Variants in ADGRL2 observed in about 807,000 individuals in gnomAD.
ADGRL2 encodes adhesion G protein-coupled receptor L2, also known as calcium-independent alpha-latrotoxin receptor 2.
Under a neutral mutation model 157.4 loss-of-function variants are expected in ADGRL2, and 44 were observed. That is an observed-to-expected ratio of 0.28 (90% CI 0.22 to 0.36). The LOEUF (loss-of-function observed/expected upper bound fraction) is 0.36, where lower values mean the gene tolerates loss of function less well. ADGRL2 is among the 10% of genes least tolerant of loss of function. The pLI is 1.00. For missense variants in ADGRL2, 1,510 were observed against 1,768.9 expected (o/e 0.85, Z 2.63); for synonymous variants, 585 against 624.7 (o/e 0.94, Z 0.95).
intron 1 of ADGRL2, among the ~76,000 whole-genome samples, chr1:81,382,532 T>A (rs1416679661): frequency 6.6e-6 from 1 of 152,204 alleles, no homozygotes; most frequent in Non-Finnish European, 1.5e-5. Flanking sequence ...TATTTGCTTT[T>A]TTAAAAGCAA....
At chr1:81,393,894 G>T (rs1053965187) in intron 1 of ADGRL2, among the ~76,000 whole-genome samples, 3 of 145,188 alleles carry the variant, frequency 2.1e-5, no homozygotes, top group Non-Finnish European at 4.5e-5. Context: ...GAATATGAAA[G>T]TATTAACATA....
intron 3 of ADGRL2, among the ~76,000 whole-genome samples, chr1:81,651,937 C>T (rs1053898783): frequency 6.6e-6 from 1 of 151,956 alleles, no homozygotes; most frequent in South Asian, 2.1e-4. Context: ...GTTGTCCTGG[C>T]CTCAATTGAA....
intron 2 of ADGRL2, among the ~76,000 whole-genome samples, chr1:81,868,252 C>T (rs185787238): frequency 7.9e-5 from 12 of 152,194 alleles, no homozygotes; most frequent in South Asian, 2.1e-4. Context: ...TAAGATGTTG[C>T]GGAGACATGC....
intron 2 of ADGRL2, among the ~76,000 whole-genome samples, chr1:81,528,236 C>G (rs34446742): frequency 0.55 from 83,424 of 151,562 alleles, 23,928 homozygotes; most frequent in East Asian, 0.66. Context: ...TTTGTTAGAG[C>G]AGCCTGGATG....
At position 81,327,735 on chromosome 1, in the gene ADGRL2, G is replaced by C. The variant is rs117536325; in HGVS notation, c.-302+21226G>C. On this transcript the variant is annotated intron_variant, in intron 1 of 24. Coordinates refer to the ADGRL2 transcript ENST00000370721. ...GATATAATCAAATGTCATGCCCTCT[G>C]TATGTTAAATGATCATTGTTCTATG... 6.2e-4 allele frequency among the ~76,000 whole-genome samples: 94 copies of C among 152,250 alleles called. No homozygotes were observed. The East Asian group carries it at 6.2e-3, about 10-fold the overall frequency.
chr1:81,763,282 C>A (rs1023134309), intron 2 of ADGRL2, among the ~76,000 whole-genome samples: 5 of 151,274 alleles, frequency 3.3e-5, no homozygotes, highest in Admixed American at 3.3e-4. Flanking sequence ...AACTGGATAA[C>A]CAATTAAAAA....
intron 2 of ADGRL2, among the ~76,000 whole-genome samples, chr1:81,843,106 C>T (rs1250133749): frequency 6.6e-6 from 1 of 152,028 alleles, no homozygotes; most frequent in Non-Finnish European, 1.5e-5. Flanking sequence ...AATTAACACC[C>T]AGCTAAAGCA....
chr1:81,500,786 G>C (rs778275366), intron 2 of ADGRL2, among the ~76,000 whole-genome samples: 33 of 152,086 alleles, frequency 2.2e-4, no homozygotes, highest in Non-Finnish European at 4.6e-4. Flanking sequence ...TGTACTTATT[G>C]TCACTGAACT....
chr1:81,328,144 A>G (rs1661024016), intron 1 of ADGRL2, among the ~76,000 whole-genome samples: 2 of 152,122 alleles, frequency 1.3e-5, no homozygotes, highest in South Asian at 4.1e-4. Flanking sequence ...CAAATTTCAA[A>G]CCTTTTTCCT....
At chr1:81,815,016 A>G (rs1269052707) in intron 1 of ADGRL2, among the ~76,000 whole-genome samples, 1 of 151,688 alleles carries the variant, frequency 6.6e-6, no homozygotes, top group Non-Finnish European at 1.5e-5. Flanking sequence ...CTTTCTACTC[A>G]TGGGTAACTT....
At chr1:81,665,869 C>T (rs1360793126) in intron 3 of ADGRL2, among the ~76,000 whole-genome samples, 3 of 152,022 alleles carry the variant, frequency 2.0e-5, no homozygotes, top group Non-Finnish European at 2.9e-5. Flanking sequence ...TGGGTGGTTC[C>T]ATGTAATTCT....
chr1:81,383,215 C>T (rs748305649), intron 1 of ADGRL2, among the ~76,000 whole-genome samples: 6 of 152,156 alleles, frequency 3.9e-5, no homozygotes, highest in Admixed American at 6.5e-5. Context: ...GAAAACTCAA[C>T]TCTTTTCATA....
chr1:81,823,299 C>G (rs1490564412), intron 1 of ADGRL2, among the ~76,000 whole-genome samples: 3 of 150,790 alleles, frequency 2.0e-5, no homozygotes, highest in Non-Finnish European at 4.4e-5. Context: ...GCCTCCCTTC[C>G]TCTCTCCTTC....
chr1:81,947,534 C>G (rs1650288715), intron 6 of ADGRL2, among the ~76,000 whole-genome samples: 3 of 152,142 alleles, frequency 2.0e-5, no homozygotes, highest in East Asian at 1.9e-4. Context: ...ATAGTACCTA[C>G]TTCATGGAGT....
intron 3 of ADGRL2, among the ~76,000 whole-genome samples, chr1:81,629,133 T>G (rs2148745394): frequency 6.6e-6 from 1 of 152,258 alleles, no homozygotes; most frequent in South Asian, 2.1e-4. Flanking sequence ...CTTGACAGTT[T>G]AGACATAGGG....
intron 1 of ADGRL2, among the ~76,000 whole-genome samples, chr1:81,400,349 GCT>G (rs1348634069): frequency 6.6e-6 from 1 of 152,108 alleles, no homozygotes. Flanking sequence ...ATTCAAGTTT[GCT>G]CTCTGTGGCA....
chr1:81,795,507 TAA>T (rs1001501021), upstream of ADGRL2, among the ~76,000 whole-genome samples: 11 of 152,354 alleles, frequency 7.2e-5, no homozygotes, highest in African/African-American at 2.2e-4. Flanking sequence ...GAAAACATTA[TAA>T]GTGTTATACA....
intron 1 of ADGRL2, among the ~76,000 whole-genome samples, chr1:81,383,898 G>C (rs1468469847): frequency 1.4e-5 from 2 of 140,702 alleles, no homozygotes; most frequent in South Asian, 4.6e-4. Context: ...AGGTTGCAGT[G>C]AGCCGAGATC....
intron 1 of ADGRL2, among the ~76,000 whole-genome samples, chr1:81,819,489 T>A (rs1021678516): frequency 2.0e-5 from 3 of 152,140 alleles, no homozygotes; most frequent in Non-Finnish European, 4.4e-5. Flanking sequence ...GTAAAAAAAA[T>A]ATATTTTTTC....
Sources: gnomAD v4.1 joint callset for allele counts (sites outside exome capture counted in the v4.1 genomes callset) on GRCh38, gnomAD v4.1.1 for gene constraint, MANE v1.5 for transcripts, NCBI Gene and HGNC (gene_info 2026-07-23, HGNC 2026-07-21) for gene names.